SLAIN1: variants seen among roughly 807,000 people sequenced by gnomAD.
SLAIN1 encodes SLAIN family member 1, also known as SLAIN motif-containing protein 1.
A neutral mutation model predicts 55.4 loss-of-function variants in SLAIN1; 17 were observed. The observed-to-expected ratio is 0.31, with a 90% CI of 0.21 to 0.46. The LOEUF is 0.46. Ranked by LOEUF, SLAIN1 falls within the 20% of genes least tolerant of loss-of-function variation. The pLI is 1.00. For synonymous variants in SLAIN1, 348 were observed against 337.4 expected (o/e 1.03, Z -0.35); for missense variants, 682 against 785.1 (o/e 0.87, Z 1.57).
At chr13:77,724,211 C>T (rs1485830945) in intron 2 of SLAIN1, among the ~76,000 whole-genome samples, 1 of 152,126 alleles carries the variant, frequency 6.6e-6, no homozygotes, top group East Asian at 1.9e-4. Flanking sequence ...GAGCAGTTGC[C>T]TGAGCAGGCG....
intron 2 of SLAIN1, among the ~76,000 whole-genome samples, chr13:77,722,491 GTT>G (rs2091271396): frequency 6.6e-6 from 1 of 151,954 alleles, no homozygotes; most frequent in Non-Finnish European, 1.5e-5. Flanking sequence ...AAAGCTATTT[GTT>G]TTGGTTTTAC....
At chr13:77,755,594 T>C (rs1199550696) in intron 5 of SLAIN1, among the ~76,000 whole-genome samples, 1 of 152,186 alleles carries the variant, frequency 6.6e-6, no homozygotes, top group Admixed American at 6.5e-5. Context: ...TGGCCAAATT[T>C]GGGGCAGTTT....
rs554358745 is a variant in SLAIN1, at chr13:77,716,124, T to G, written c.627-3408T>G. On this transcript the variant is annotated intron_variant, in intron 1 of 6. Transcript: ENST00000418532. ...GTTTGTACTGTGGATCAAAGTTTTG[T>G]TTTTTTTTTTCTCACATATAGATAC... Among the ~76,000 whole-genome samples the G allele has an allele frequency of 7.0e-5, 10 of 143,454 alleles. No individual in the cohort carries two copies. In the South Asian group the frequency reaches 1.7e-3, roughly 25 times the overall value. The allele number at this position is 143,454 out of a possible 152,430, so 94.1% of individuals were successfully genotyped here. A position where few individuals can be genotyped will look rare whatever the true frequency, so the allele number is the denominator to read the frequency against.
intron 1 of SLAIN1, among the ~76,000 whole-genome samples, chr13:77,717,329 A>G (rs1004889349): frequency 6.6e-6 from 1 of 152,094 alleles, no homozygotes; most frequent in Non-Finnish European, 1.5e-5. Flanking sequence ...CACTGCCCTA[A>G]TAGGATGTAT....
chr13:77,715,190 T>G (rs1318196194), intron 1 of SLAIN1, among the ~76,000 whole-genome samples: 2 of 152,202 alleles, frequency 1.3e-5, no homozygotes, highest in East Asian at 3.8e-4. Context: ...TCACAGACTA[T>G]GTACTCTTCC....
chr13:77,725,007 A>G (rs1487327312), intron 2 of SLAIN1, among the ~76,000 whole-genome samples: 1 of 152,340 alleles, frequency 6.6e-6, no homozygotes, highest in Non-Finnish European at 1.5e-5. Flanking sequence ...GTTGAGCACC[A>G]GTTCTCTAAT....
intron 2 of SLAIN1, among the ~76,000 whole-genome samples, chr13:77,722,109 G>A (rs928076878): frequency 2.6e-5 from 4 of 151,730 alleles, no homozygotes; most frequent in Non-Finnish European, 4.4e-5. Context: ...AGGCAGAATC[G>A]TGAGGTCATG....
chr13:77,714,687 C>A (rs2091188772), intron 1 of SLAIN1, among the ~76,000 whole-genome samples: 1 of 152,092 alleles, frequency 6.6e-6, no homozygotes, highest in Non-Finnish European at 1.5e-5. Context: ...TATTGGAATA[C>A]AATTAATATG....
chr13:77,719,707 CTTGTCACTCT>C (rs768651438), intron 2 of SLAIN1, 36 bp downstream of exon 2: 1 of 1,603,578 alleles, frequency 6.2e-7, no homozygotes, highest in Non-Finnish European at 8.5e-7. Context: ...TTCTCCAACT[CTTGTCACTCT>C]CAGTGCTGCT....
intron 1 of SLAIN1, among the ~76,000 whole-genome samples, chr13:77,716,694 T>C (rs1189867312): frequency 6.6e-6 from 1 of 152,142 alleles, no homozygotes; most frequent in Non-Finnish European, 1.5e-5. Context: ...TATATATAAG[T>C]ATACAATTGA....
At chr13:77,714,731 A>C (rs1373816143) in intron 1 of SLAIN1, among the ~76,000 whole-genome samples, 9 of 152,198 alleles carry the variant, frequency 5.9e-5, no homozygotes, top group Admixed American at 5.9e-4. Flanking sequence ...ACAATTTGAT[A>C]GACTTTAACA....
intron 2 of SLAIN1, among the ~76,000 whole-genome samples, chr13:77,738,344 A>G (rs1873244720): frequency 6.6e-6 from 1 of 152,032 alleles, no homozygotes; most frequent in Admixed American, 6.6e-5. Context: ...CACAAGGCAG[A>G]ACCTGGGTTA....
rs758623410 is a variant in SLAIN1 at position 77,760,958 on chromosome 13, A to C, written c.1545A>C (p.Ser515=). The C allele has an allele frequency of 5.6e-6, 9 of 1,614,196 alleles. No individual in the cohort carries two copies. The highest frequency in any genetic ancestry group is 6.8e-6 in the Non-Finnish European group (8 of 1,180,030). The change falls in exon 6 of 7, where the codon TCA becomes TCC. Residue 515 remains serine, a synonymous_variant. Transcript: ENST00000418532. ...TVQGSSNMPL[S]NGLQLYSNTG... ...AAGGCAGCAGTAACATGCCTTTATC[A>C]AACGGCTTACAGCTGTATTCCAACA...
At chr13:77,701,325 TCTAATAAAAC>T (rs1295626175) in intron 1 of SLAIN1, among the ~76,000 whole-genome samples, 26 of 152,314 alleles carry the variant, frequency 1.7e-4, no homozygotes, top group African/African-American at 5.8e-4. Flanking sequence ...GTATATCTTT[TCTAATAAAAC>T]CTTAGAATAC....
chr13:77,740,537 C>T (rs990307385), intron 2 of SLAIN1, among the ~76,000 whole-genome samples: 8 of 149,946 alleles, frequency 5.3e-5, no homozygotes, highest in Non-Finnish European at 1.2e-4. Context: ...CGCCCCCCCC[C>T]CCTTTTTTTA....
Position 77,698,158 on chromosome 13 carries a change from G to T in SLAIN1, c.245G>T (p.Ser82Ile). 1.7e-6 allele frequency: 2 copies of T among 1,157,438 alleles called. No individual in the cohort carries two copies. The highest frequency in any genetic ancestry group is 1.1e-6 in the Non-Finnish European group (1 of 940,118). The allele number at this position is 1,157,438 out of a possible 1,614,324, so 71.7% of individuals were successfully genotyped here. ...GGCCTGCAGCCTTTGGGTCCTCGGA[G>T]CCCCCCGGCCGCCACGGCCACCGCC... ...PAGLQPLGPR[S>I]PPAATATAAA... is the part of the protein sequence containing the mutation. Residue 82 changes from serine (S) to isoleucine (I), a missense_variant, in exon 1 of 7, where the codon AGC becomes ATC. Ser to Ile is a moderately radical substitution (Grantham distance 142). Around this residue, in one of 3 missense-constraint regions of SLAIN1, gnomAD observed 401 missense variants for 417.3 expected, o/e 0.96. Transcript: ENST00000418532. The surrounding 1 kb of genome is among the most constrained non-coding windows in gnomAD (Gnocchi z 4.1).
In SLAIN1 at chr13:77,719,673, T is replaced by C. The variant is rs769517212; in HGVS notation, c.766+2T>C. ...CCCTGTGCTTTAGACTGGAGCAAGG[T>C]AATTGTGAGTGTGTGCATTTACATT... is the stretch of plus-strand genomic sequence containing the variant. On this transcript the variant is annotated splice_donor_variant, in intron 2 of 6. Transcript: ENST00000418532. LOFTEE classifies it high-confidence loss of function. 14 of 1,612,624 alleles carry C rather than the reference T, an allele frequency of 8.7e-6. No homozygotes were observed. Among genetic ancestry groups the C allele is most frequent in the Non-Finnish European group, 8.5e-6 (10 of 1,179,232 alleles).
intron 2 of SLAIN1, among the ~76,000 whole-genome samples, chr13:77,725,060 G>C (rs1373204342): frequency 6.6e-6 from 1 of 152,118 alleles, no homozygotes; most frequent in Admixed American, 6.5e-5. Flanking sequence ...TGTTGCTAAA[G>C]TAAATGAATG....
rs1209364162 is a variant in SLAIN1, at chr13:77,763,756, T to C, written c.*536T>C. 1 of 152,888 alleles carries C rather than the reference T, an allele frequency of 6.5e-6. No individual in the cohort carries two copies. Among genetic ancestry groups the C allele is most frequent in the Admixed American group, 6.5e-5 (1 of 15,328 alleles). 9.5% of individuals were successfully genotyped at this position (152,888 alleles called of 1,614,324 possible). The stretch of plus-strand genomic sequence containing the variant: ...ACTTAAATTTTGTGCCATAAAAATA[T>C]TTTTGTGGTAAGGTACTATTTTTTT... On this transcript the variant is annotated 3_prime_UTR_variant, in exon 7 of 7. Coordinates refer to ENST00000418532, the MANE Select transcript of SLAIN1 (RefSeq NM_001242868.2).
Sources: allele counts gnomAD v4.1 joint callset (sites outside exome capture counted in the v4.1 genomes callset), GRCh38; gene constraint gnomAD v4.1.1; regional missense constraint gnomAD v4.1.1; non-coding constraint Gnocchi (gnomAD v3.1); transcripts MANE v1.5; gene names NCBI Gene and HGNC (gene_info 2026-07-23, HGNC 2026-07-21).